Variants in AIG1 observed in about 807,000 individuals in gnomAD.
The protein encoded by AIG1 is androgen-induced gene 1 protein.
AIG1 carries 23 observed loss-of-function variants against 31.4 expected under a neutral mutation model. The ratio of observed to expected loss-of-function variants is 0.73; its 90% CI spans 0.53 to 1.04. The LOEUF (loss-of-function observed/expected upper bound fraction) is 1.04. AIG1 is among the 50% of genes least tolerant of loss of function. AIG1 has a pLI of 0.00. For synonymous variants in AIG1, 100 were observed against 110.5 expected, an observed-to-expected ratio of 0.90 and a Z score of 0.60; for missense variants, 274 against 295.0, an observed-to-expected ratio of 0.93 and a Z score of 0.52.
chr6:143,227,773 C>G (rs777116538), intron 3 of AIG1, among the ~76,000 whole-genome samples: 31 of 152,148 alleles, frequency 2.0e-4, no homozygotes, highest in Non-Finnish European at 3.8e-4. Flanking sequence ...CATCTACTAT[C>G]AGGGTGCACA....
At chr6:143,166,679 T>G (rs926761799) in intron 3 of AIG1, among the ~76,000 whole-genome samples, 17 of 152,248 alleles carry the variant, frequency 1.1e-4, no homozygotes, top group South Asian at 4.1e-4. Context: ...GATGAATGAA[T>G]TCGCTATAGC....
At chr6:143,226,118 T>G (rs1407758192) in intron 3 of AIG1, among the ~76,000 whole-genome samples, 1 of 152,202 alleles carries the variant, frequency 6.6e-6, no homozygotes, top group East Asian at 1.9e-4. Flanking sequence ...TTCTCTGACT[T>G]CTGTTTCAAC....
intron 4 of AIG1, among the ~76,000 whole-genome samples, chr6:143,287,737 TAAAAAAAA>T (rs59551903): frequency 6.4e-5 from 5 of 78,052 alleles, no homozygotes; most frequent in South Asian, 4.0e-4. Flanking sequence ...CTGACTACAG[TAAAAAAAA>T]AAAAAAAAAA....
chr6:143,319,781 A>T (rs9403483), intron 4 of AIG1, among the ~76,000 whole-genome samples: 20,086 of 152,112 alleles, frequency 0.13, 1,566 homozygotes, highest in East Asian at 0.36. Context: ...GAAACATTAC[A>T]ACTGAAGCAA....
chr6:143,323,039 G>C (rs988091296), intron 4 of AIG1, among the ~76,000 whole-genome samples: 5 of 152,106 alleles, frequency 3.3e-5, no homozygotes, highest in Non-Finnish European at 5.9e-5. Context: ...ATGGTTTATA[G>C]CACTTTACCA....
At chr6:143,190,782 C>T (rs1000126551) in intron 3 of AIG1, among the ~76,000 whole-genome samples, 2 of 152,164 alleles carry the variant, frequency 1.3e-5, no homozygotes, top group Non-Finnish European at 2.9e-5. Flanking sequence ...TATACTAGCA[C>T]ACATGTTTGA....
chr6:143,322,697 A>C (rs1310992106), intron 4 of AIG1, among the ~76,000 whole-genome samples: 1 of 152,194 alleles, frequency 6.6e-6, no homozygotes, highest in Non-Finnish European at 1.5e-5. Flanking sequence ...GTGTTGGAGG[A>C]AAATGTTCTG....
At chr6:143,206,535 A>G (rs1222603474) in intron 3 of AIG1, among the ~76,000 whole-genome samples, 1 of 152,146 alleles carries the variant, frequency 6.6e-6, no homozygotes, top group Non-Finnish European at 1.5e-5. Flanking sequence ...TCAAATATCC[A>G]TTTGATAAGA....
At chr6:143,211,752 A>G (rs539563176) in intron 3 of AIG1, among the ~76,000 whole-genome samples, 1 of 152,050 alleles carries the variant, frequency 6.6e-6, no homozygotes, top group South Asian at 2.1e-4. Context: ...AATTAGCTGG[A>G]TGTGGTGGCA....
intron 3 of AIG1, among the ~76,000 whole-genome samples, chr6:143,168,903 A>G (rs1787228352): frequency 6.6e-6 from 1 of 152,134 alleles, no homozygotes; most frequent in Admixed American, 6.6e-5. Flanking sequence ...GATCTTTTAG[A>G]TTATTACTAT....
rs1798302252 is a variant in AIG1 at position 143,294,733 on chromosome 6, T to C, written c.515+10508T>C. On this transcript the variant is annotated intron_variant, in intron 4 of 5. Coordinates refer to ENST00000357847, the MANE Select transcript of AIG1 (RefSeq NM_016108.4). ...TCTTCTCAATTGACATTTCAGCAAT[T>C]TGATACTAAAACAAACCCCCCCTCT... is the stretch of plus-strand genomic sequence containing the variant. Among the ~76,000 whole-genome samples, 5 of 152,320 alleles carry C rather than the reference T, an allele frequency of 3.3e-5. No homozygotes were observed. The South Asian group carries it at 1.0e-3, about 32-fold the overall frequency.
At chr6:143,082,790 CTT>C (rs1165133989) in intron 1 of AIG1, among the ~76,000 whole-genome samples, 2 of 152,086 alleles carry the variant, frequency 1.3e-5, no homozygotes, top group Non-Finnish European at 2.9e-5. Context: ...TGTAAGGACT[CTT>C]AGAGCTGTTC....
intron 2 of AIG1, among the ~76,000 whole-genome samples, chr6:143,160,209 C>T (rs1369323671): frequency 2.0e-5 from 3 of 152,086 alleles, no homozygotes; most frequent in African/African-American, 7.2e-5. Context: ...TCTTTTTAGC[C>T]TTCTTCATGG....
At chr6:143,252,857 C>T (rs766550274) in intron 3 of AIG1, among the ~76,000 whole-genome samples, 1 of 152,120 alleles carries the variant, frequency 6.6e-6, no homozygotes, top group African/African-American at 2.4e-5. Context: ...AGGGATTGAC[C>T]GGGGAAAGAT....
chr6:143,062,922 A>G (rs1474495957), intron 1 of AIG1, among the ~76,000 whole-genome samples: 1 of 152,218 alleles, frequency 6.6e-6, no homozygotes, highest in Non-Finnish European at 1.5e-5. Flanking sequence ...GGGCAAGAAT[A>G]CAGAGATGCT....
At position 143,325,454 on chromosome 6, in the gene AIG1, C is replaced by A. The variant is rs1776531886; in HGVS notation, c.516-7828C>A. 6.6e-6 allele frequency among the ~76,000 whole-genome samples: 1 copy of A among 152,180 alleles called. No homozygotes were observed. Among genetic ancestry groups the A allele is most frequent in the Admixed American group, 6.5e-5 (1 of 15,278 alleles). The stretch of plus-strand genomic sequence containing the variant: ...TCCATAGAACTGACTGCCTTCAGAA[C>A]ATCTCCACTTGGATATTTTACAGGT... On this transcript the variant is annotated intron_variant, in intron 4 of 5. Transcript: ENST00000357847. The surrounding 1 kb of genome is among the most constrained non-coding windows in gnomAD (Gnocchi z 4.3).
chr6:143,156,817 T>G (rs934915424), intron 2 of AIG1, among the ~76,000 whole-genome samples: 14 of 152,230 alleles, frequency 9.2e-5, no homozygotes, highest in African/African-American at 3.1e-4. Flanking sequence ...GGTCTTTATA[T>G]CCTTGCGTTA....
At chr6:143,239,689 C>G (rs1794093469) in intron 3 of AIG1, among the ~76,000 whole-genome samples, 1 of 152,204 alleles carries the variant, frequency 6.6e-6, no homozygotes, top group Non-Finnish European at 1.5e-5. Flanking sequence ...CTTGGTCTTT[C>G]CTGTGCCGTA....
chr6:143,197,164 C>T (rs1338490638), intron 3 of AIG1, among the ~76,000 whole-genome samples: 3 of 149,254 alleles, frequency 2.0e-5, no homozygotes, highest in African/African-American at 4.9e-5. Context: ...AAATGTTTCT[C>T]GACACAAAAG....
Sources: allele counts gnomAD v4.1 joint callset (sites outside exome capture counted in the v4.1 genomes callset), GRCh38; gene constraint gnomAD v4.1.1; non-coding constraint Gnocchi (gnomAD v3.1); transcripts MANE v1.5; gene names NCBI Gene and HGNC (gene_info 2026-07-23, HGNC 2026-07-21).